The following SMARCA2 variants were observed in gnomAD, a reference collection of about 807,000 sequenced individuals.
SMARCA2 encodes SWI/SNF-related matrix-associated actin-dependent regulator of chromatin subfamily A member 2.
A neutral mutation model predicts 199.8 loss-of-function variants in SMARCA2; 61 were observed. That is an observed-to-expected ratio of 0.31 (90% CI 0.25 to 0.38). The LOEUF is 0.38. Among genes scored for constraint, SMARCA2 ranks in the 10% least tolerant of loss-of-function variants. The pLI is 1.00. For synonymous variants in SMARCA2, 935 were observed against 732.0 expected (o/e 1.28, Z -4.48); for missense variants, 1,344 against 2,012.2 (o/e 0.67, Z 6.35).
intron 32 of SMARCA2, among the ~76,000 whole-genome samples, chr9:2,190,139 G>C (rs1313676429): frequency 6.6e-6 from 1 of 152,162 alleles, no homozygotes; most frequent in Admixed American, 6.5e-5. Flanking sequence ...CTATATTTGT[G>C]ATATTGTACC....
intron 24 of SMARCA2, among the ~76,000 whole-genome samples, chr9:2,114,687 A>G (rs553527848): frequency 6.6e-6 from 1 of 152,210 alleles, no homozygotes; most frequent in Non-Finnish European, 1.5e-5. Context: ...TCATGGGCTC[A>G]TGAAGGTTTT....
intron 1 of SMARCA2, chr9:2,018,171 A>AT (rs1172005514): frequency 6.6e-6 from 1 of 152,220 alleles, no homozygotes; most frequent in African/African-American, 2.4e-5. Flanking sequence ...AGGCGTTTGG[A>AT]TTTTTTAAGG....
intron 29 of SMARCA2, among the ~76,000 whole-genome samples, chr9:2,178,601 G>A (rs1216727967): frequency 6.6e-6 from 1 of 151,784 alleles, no homozygotes; most frequent in Non-Finnish European, 1.5e-5. Context: ...GTGGTGCATA[G>A]AAAACCACCA....
chr9:2,019,732 A>G (rs1818521551), intron 1 of SMARCA2, among the ~76,000 whole-genome samples: 1 of 152,060 alleles, frequency 6.6e-6, no homozygotes, highest in African/African-American at 2.4e-5. Flanking sequence ...ATATTTTGAC[A>G]TTTATTATTA....
chr9:2,131,049 A>T (rs1262962462), intron 27 of SMARCA2, among the ~76,000 whole-genome samples: 1 of 152,226 alleles, frequency 6.6e-6, no homozygotes, highest in Non-Finnish European at 1.5e-5. Flanking sequence ...CTTTCTGCCA[A>T]CTTCAGAATC....
chr9:2,039,998 C>T lies in SMARCA2; in HGVS notation c.790+98C>T, dbSNP rs968870270. 33 of 1,549,418 alleles carry T rather than the reference C, an allele frequency of 2.1e-5. No homozygotes were observed. The highest frequency in any genetic ancestry group is 3.6e-5 in the Admixed American group (2 of 55,882). ...CGGGTTGTTAAAAGCCCGGGGCTGACGTAGCCTTTTGTTATACCTCACTGG... is the reference window on the plus strand; with the variant it reads ...CGGGTTGTTAAAAGCCCGGGGCTGATGTAGCCTTTTGTTATACCTCACTGG... On this transcript the variant is annotated intron_variant, in intron 4 of 33. Coordinates refer to ENST00000349721, the MANE Select transcript of SMARCA2 (RefSeq NM_003070.5). The surrounding 1 kb of genome is among the most constrained non-coding windows in gnomAD (Gnocchi z 4.8).
chr9:2,159,744 T>G, intron 27 of SMARCA2: 1 of 1,537,910 alleles, frequency 6.5e-7, no homozygotes, highest in Non-Finnish European at 8.8e-7. Context: ...GTATTAAATT[T>G]TCAGTAAAAT....
intron 2 of SMARCA2, 67 bp downstream of exon 2, chr9:2,029,314 C>A: frequency 6.5e-7 from 1 of 1,549,808 alleles, no homozygotes; most frequent in Non-Finnish European, 8.7e-7. Flanking sequence ...TCTGATAACC[C>A]CATCCCCCTT....
At chr9:2,076,492 T>C (rs1274614547) in intron 13 of SMARCA2, among the ~76,000 whole-genome samples, 163 bp downstream of exon 13, 2 of 151,990 alleles carry the variant, frequency 1.3e-5, no homozygotes, top group Admixed American at 1.3e-4. Context: ...TTCCCAGGTC[T>C]CGGGGTTTCG....
chr9:2,114,141 C>T (rs565169927), intron 24 of SMARCA2, among the ~76,000 whole-genome samples: 5 of 152,054 alleles, frequency 3.3e-5, no homozygotes, highest in Non-Finnish European at 7.4e-5. Flanking sequence ...TGGAGAGGGA[C>T]GGTTGAACTA....
At chr9:2,070,597 T>C (rs1334304237) in intron 10 of SMARCA2, 126 bp downstream of exon 10, 3 of 654,852 alleles carry the variant, frequency 4.6e-6, no homozygotes, top group Non-Finnish European at 8.0e-6. Flanking sequence ...AAAATAGTAA[T>C]ACATTAGCAT....
chr9:2,038,184 A>C (rs1353227701), intron 3 of SMARCA2, among the ~76,000 whole-genome samples: 1 of 152,250 alleles, frequency 6.6e-6, no homozygotes, highest in East Asian at 1.9e-4. Context: ...AGAATCAGAC[A>C]GACCTTTGTT....
At chr9:2,107,118 A>G (rs1321565712) in intron 23 of SMARCA2, among the ~76,000 whole-genome samples, 1 of 151,756 alleles carries the variant, frequency 6.6e-6, no homozygotes, top group Non-Finnish European at 1.5e-5. Context: ...TAACAAAAAA[A>G]ATTTGTTAAA....
At chr9:2,134,758 T>A (rs1586740167) in intron 27 of SMARCA2, among the ~76,000 whole-genome samples, 1 of 152,198 alleles carries the variant, frequency 6.6e-6, no homozygotes, top group East Asian at 1.9e-4. Context: ...GGTTATTATA[T>A]CATGAGAGCC....
chr9:2,155,445 G>A (rs1825305317), intron 27 of SMARCA2, among the ~76,000 whole-genome samples: 2 of 152,120 alleles, frequency 1.3e-5, no homozygotes, highest in South Asian at 4.2e-4. Flanking sequence ...ACCACACCTG[G>A]CTAATGTTTG....
At chr9:2,128,640 G>C (rs1324984571) in intron 27 of SMARCA2, among the ~76,000 whole-genome samples, 3 of 152,224 alleles carry the variant, frequency 2.0e-5, no homozygotes, top group African/African-American at 4.8e-5. Context: ...TCTTAAGTTT[G>C]CAAATTGTAT....
intron 29 of SMARCA2, chr9:2,181,291 A>G (rs1048540178): frequency 2.5e-5 from 6 of 240,706 alleles, no homozygotes; most frequent in Non-Finnish European, 4.8e-5. Context: ...CTATCAAAAT[A>G]AAGAGATATA....
chr9:2,131,428 G>A (rs142126096), intron 27 of SMARCA2, among the ~76,000 whole-genome samples: 26 of 152,258 alleles, frequency 1.7e-4, no homozygotes, highest in African/African-American at 5.5e-4. Flanking sequence ...TAAACGCTAC[G>A]GAAATGATGG....
intron 15 of SMARCA2, among the ~76,000 whole-genome samples, chr9:2,083,027 G>A (rs1398930027): frequency 6.6e-6 from 1 of 151,968 alleles, no homozygotes; most frequent in African/African-American, 2.4e-5. Context: ...GGCTGTTTAT[G>A]AAGATTCCTA....
Sources: allele counts gnomAD v4.1 joint callset (sites outside exome capture counted in the v4.1 genomes callset), GRCh38; gene constraint gnomAD v4.1.1; non-coding constraint Gnocchi (gnomAD v3.1); transcripts MANE v1.5; gene names NCBI Gene and HGNC (gene_info 2026-07-23, HGNC 2026-07-21).